Variants in FAM167A observed in about 807,000 individuals in gnomAD.
FAM167A encodes protein FAM167A.
Under a neutral mutation model 14.9 loss-of-function variants are expected in FAM167A, and 23 were observed. The observed-to-expected ratio is 1.55, with a 90% CI of 1.11 to 2.19. The LOEUF is 2.19. Ranked by LOEUF, FAM167A falls within the 30% of genes most tolerant of loss-of-function variation. FAM167A has a pLI of 0.00. For synonymous variants in FAM167A, 174 were observed against 117.7 expected, an observed-to-expected ratio of 1.48 and a Z score of -3.10; for missense variants, 401 against 281.5, an observed-to-expected ratio of 1.42 and a Z score of -3.04.
intron 1 of FAM167A, among the ~76,000 whole-genome samples, chr8:11,449,163 T>C (rs182581556): frequency 1.3e-5 from 2 of 152,316 alleles, no homozygotes; most frequent in African/African-American, 4.8e-5. Flanking sequence ...GTTTTCCTGG[T>C]CGTCAGTGTT....
At chr8:11,475,695 G>T (rs1016922699) in intron 1 of FAM167A, among the ~76,000 whole-genome samples, 1 of 152,098 alleles carries the variant, frequency 6.6e-6, no homozygotes, top group African/African-American at 2.4e-5. Context: ...GACTCAATCA[G>T]GTCAGATGTG....
chr8:11,447,538 C>G (rs1419347328), intron 1 of FAM167A, among the ~76,000 whole-genome samples: 1 of 152,224 alleles, frequency 6.6e-6, no homozygotes, highest in Non-Finnish European at 1.5e-5. Context: ...GCAGAAAACA[C>G]AGTGTGCACA....
intron 2 of FAM167A, among the ~76,000 whole-genome samples, chr8:11,433,033 G>C (rs1805722302): frequency 6.6e-6 from 1 of 152,060 alleles, no homozygotes; most frequent in East Asian, 1.9e-4. Flanking sequence ...GTGGACACAG[G>C]GAGGGGAACA....
intron 2 of FAM167A, among the ~76,000 whole-genome samples, chr8:11,443,049 C>G (rs1806532299): frequency 6.6e-6 from 1 of 152,242 alleles, no homozygotes; most frequent in African/African-American, 2.4e-5. Context: ...ACTGCCGGCT[C>G]TGGAAGGCAG....
intron 1 of FAM167A, among the ~76,000 whole-genome samples, chr8:11,446,933 A>G (rs1402989784): frequency 2.0e-5 from 3 of 152,174 alleles, no homozygotes; most frequent in East Asian, 1.9e-4. Flanking sequence ...TAGATCCATC[A>G]AAGCTTCCTG....
chr8:11,463,018 G>A (rs1175875753), intron 1 of FAM167A, among the ~76,000 whole-genome samples: 2 of 152,210 alleles, frequency 1.3e-5, no homozygotes, highest in Admixed American at 6.5e-5. Flanking sequence ...CAGGGCAGCA[G>A]AGAGCAGATT....
At chr8:11,433,962 C>G (rs769245810) in intron 2 of FAM167A, 1 of 152,192 alleles carries the variant, frequency 6.6e-6, no homozygotes, top group Non-Finnish European at 1.5e-5. Flanking sequence ...GGAGAATCCA[C>G]TTAGAAGCCT....
intron 2 of FAM167A, among the ~76,000 whole-genome samples, chr8:11,431,450 C>A (rs1185270978): frequency 6.6e-6 from 1 of 152,126 alleles, no homozygotes; most frequent in South Asian, 2.1e-4. Context: ...ATGAAGTTCT[C>A]GAGATGGATG....
rs139197108 is a variant in FAM167A, at chr8:11,449,975, C to G, written c.-397-5167G>C. On this transcript the variant is annotated intron_variant, in intron 1 of 2. Coordinates refer to ENST00000284486, the MANE Select transcript of FAM167A (RefSeq NM_053279.3). ...AGGGGAAGACGCAGGCACTGCTGAC[C>G]CATCCCCTCCACACCTCCTCTCACC... is the stretch of plus-strand genomic sequence containing the variant. Among the ~76,000 whole-genome samples the G allele has an allele frequency of 1.2e-3, 187 of 152,328 alleles. 1 individual carries two copies. The highest frequency in any genetic ancestry group is 4.0e-3 in the African/African-American group (168 of 41,564).
intron 2 of FAM167A, among the ~76,000 whole-genome samples, chr8:11,430,245 T>A (rs7008392): frequency 0.11 from 16,400 of 152,192 alleles, 1,044 homozygotes; most frequent in African/African-American, 0.18. Context: ...ACAGAACTTG[T>A]TGAAAGGGAA....
chr8:11,430,777 C>T (rs939592837), intron 2 of FAM167A, among the ~76,000 whole-genome samples: 7 of 152,050 alleles, frequency 4.6e-5, no homozygotes, highest in African/African-American at 9.7e-5. Flanking sequence ...CTGGAGGAGA[C>T]GGCCAAGGCG....
chr8:11,465,246 G>C (rs118021627), intron 1 of FAM167A, among the ~76,000 whole-genome samples: 97 of 152,278 alleles, frequency 6.4e-4, no homozygotes, highest in Non-Finnish European at 1.1e-3. Context: ...ATCTGGGCGT[G>C]AGTGGTTTCT....
At chr8:11,474,120 C>T (rs1179879215) in intron 1 of FAM167A, among the ~76,000 whole-genome samples, 2 of 152,214 alleles carry the variant, frequency 1.3e-5, no homozygotes, top group Non-Finnish European at 2.9e-5. Flanking sequence ...GGTGATCCGC[C>T]TGCCTTGGCC....
In FAM167A at chr8:11,424,114, T is replaced by C; in HGVS notation, c.*259A>G. ...GATTATGGTGGGAACCCAGGTCTCC[T>C]TTAACATCTTGGTTGGAGCGGCCCT... On this transcript the variant is annotated 3_prime_UTR_variant, in exon 3 of 3. Coordinates refer to ENST00000284486, the MANE Select transcript of FAM167A (RefSeq NM_053279.3). The C allele has an allele frequency of 6.3e-6, 3 of 479,724 alleles. No individual in the cohort carries two copies. The South Asian group carries it at 8.4e-5, about 13-fold the overall frequency. The allele number at this position is 479,724 out of a possible 1,614,324, so 29.7% of individuals were successfully genotyped here. A position where few individuals can be genotyped will look rare whatever the true frequency, so the allele number is the denominator to read the frequency against.
chr8:11,459,620 G>T (rs189896609), intron 1 of FAM167A, among the ~76,000 whole-genome samples: 1 of 152,326 alleles, frequency 6.6e-6, no homozygotes, highest in African/African-American at 2.4e-5. Context: ...GCAGTGAGGG[G>T]ACCTCAGCCT....
At chr8:11,435,107 C>A (rs982035065) in intron 2 of FAM167A, 2 of 456,686 alleles carry the variant, frequency 4.4e-6, no homozygotes, top group African/African-American at 4.0e-5. Flanking sequence ...TCAAAGGTAT[C>A]ACGGGACCCT....
intron 1 of FAM167A, among the ~76,000 whole-genome samples, chr8:11,451,188 GGCCGGGGCC>G (rs1415859782): frequency 6.6e-6 from 1 of 152,238 alleles, no homozygotes; most frequent in African/African-American, 2.4e-5. Flanking sequence ...GCTCTGAGCT[GGCCGGGGCC>G]GCTGGGGCCA....
chr8:11,440,039 C>T (rs1369832780), intron 2 of FAM167A, among the ~76,000 whole-genome samples: 1 of 152,186 alleles, frequency 6.6e-6, no homozygotes, highest in African/African-American at 2.4e-5. Flanking sequence ...TGCCCTCCCC[C>T]CACTCCCACC....
At chr8:11,438,735 A>T in intron 2 of FAM167A, 1 of 354,692 alleles carries the variant, frequency 2.8e-6, no homozygotes, top group Non-Finnish European at 5.5e-6. Context: ...TGAATAGAAC[A>T]GGAATCTTCC....
Sources: allele counts gnomAD v4.1 joint callset (sites outside exome capture counted in the v4.1 genomes callset), GRCh38; gene constraint gnomAD v4.1.1; transcripts MANE v1.5; gene names NCBI Gene and HGNC (gene_info 2026-07-23, HGNC 2026-07-21).